TBCE: variants seen among roughly 807,000 people sequenced by gnomAD.
TBCE encodes the protein tubulin-specific chaperone E.
TBCE carries 53 observed loss-of-function variants against 77.0 expected under a neutral mutation model. The observed-to-expected ratio is 0.69, with a 90% CI of 0.55 to 0.87. The LOEUF is 0.87. TBCE is among the 40% of genes least tolerant of loss of function. The pLI, the probability that TBCE is intolerant of heterozygous loss-of-function variation, is 0.00. For synonymous variants in TBCE, 235 were observed against 241.3 expected (o/e 0.97, Z 0.24); for missense variants, 624 against 622.4 (o/e 1.00, Z -0.03).
chr1:235,430,736 G>C lies in TBCE; in HGVS notation c.592G>C (p.Val198Leu). 1 of 1,613,620 alleles carries C rather than the reference G, an allele frequency of 6.2e-7. No homozygotes were observed. Among genetic ancestry groups the C allele is most frequent in the Non-Finnish European group, 8.5e-7 (1 of 1,179,790 alleles). Reference sequence around the variant, plus strand: ...TAAACTAAAATTTCCCTCCGGTTCAGTATTAACTGGAACGCTTTCTGTACT... The same window carrying C: ...TAAACTAAAATTTCCCTCCGGTTCACTATTAACTGGAACGCTTTCTGTACT... The part of the protein sequence containing the change: ...ENKLKFPSGS[V>L]LTGTLSVLKV... Residue 198 changes from valine to leucine, a missense_variant, in exon 7 of 17, where the codon GTA becomes CTA. Transcript: ENST00000642610.
chr1:235,388,933 G>C (rs1678200467), intron 2 of TBCE, among the ~76,000 whole-genome samples: 1 of 152,146 alleles, frequency 6.6e-6, no homozygotes, highest in African/African-American at 2.4e-5. Flanking sequence ...TGGAGATGAG[G>C]GGCTGGGTCA....
At chr1:235,431,650 C>T (rs149449050) in intron 7 of TBCE, among the ~76,000 whole-genome samples, 3,427 of 151,822 alleles carry the variant, frequency 0.023, 135 homozygotes, top group African/African-American at 0.078. Flanking sequence ...TGTAAGCCAC[C>T]GTGCCCAGCC....
rs57793553 is a variant in TBCE, at chr1:235,399,629, C to T, written c.101-1874C>T. ...TCCACAGCCCTTCCCCTGTACCTCG[C>T]CTTAGCACACCTCTTCATCTAGATT... On this transcript the variant is annotated intron_variant, in intron 2 of 16. Coordinates refer to ENST00000642610, the MANE Select transcript of TBCE (RefSeq NM_003193.5). Among the ~76,000 whole-genome samples, 264 of 152,326 alleles carry T rather than the reference C, an allele frequency of 1.7e-3. 1 individual carries two copies. Among genetic ancestry groups the T allele is most frequent in the African/African-American group, 6.0e-3 (251 of 41,572 alleles).
chr1:235,387,751 C>T (rs1678116969), intron 2 of TBCE, among the ~76,000 whole-genome samples: 1 of 152,144 alleles, frequency 6.6e-6, no homozygotes, highest in African/African-American at 2.4e-5. Flanking sequence ...CTTGCGCTTC[C>T]CAAATGAGGG....
intron 2 of TBCE, among the ~76,000 whole-genome samples, chr1:235,386,603 C>A (rs1678022087): frequency 6.6e-6 from 1 of 152,200 alleles, no homozygotes; most frequent in African/African-American, 2.4e-5. Flanking sequence ...GCTCCTGAGG[C>A]TTCTGCATTC....
chr1:235,420,860 A>G (rs1017277976), intron 5 of TBCE, among the ~76,000 whole-genome samples: 10 of 152,278 alleles, frequency 6.6e-5, no homozygotes, highest in Admixed American at 1.3e-4. Context: ...TCCTGACCTC[A>G]GGTGATTCCC....
chr1:235,409,223 T>A (rs1679635643), intron 3 of TBCE, among the ~76,000 whole-genome samples: 1 of 152,112 alleles, frequency 6.6e-6, no homozygotes, highest in Non-Finnish European at 1.5e-5. Flanking sequence ...GATGATGATT[T>A]TACCAGCAGC....
chr1:235,445,133 A>G (rs764420701), intron 15 of TBCE, among the ~76,000 whole-genome samples: 1 of 152,242 alleles, frequency 6.6e-6, no homozygotes, highest in Non-Finnish European at 1.5e-5. Flanking sequence ...ACTTTAAACT[A>G]TTCAGAATCT....
intron 13 of TBCE, 174 bp downstream of exon 13, chr1:235,439,096 C>A: frequency 1.3e-6 from 1 of 771,300 alleles, no homozygotes; most frequent in Non-Finnish European, 2.2e-6. Context: ...GGCGGCAGGG[C>A]AAGAGCAGTA....
Position 235,427,128 on chromosome 1 carries a change from A to T in TBCE, c.461-12A>T. 6.4e-7 allele frequency: 1 copy of T among 1,562,242 alleles called. No individual in the cohort carries two copies. The highest frequency in any genetic ancestry group is 2.2e-5 in the East Asian group (1 of 44,612). The stretch of plus-strand genomic sequence containing the variant: ...TCTTTTGAAATTACTGTTTCTTAAC[A>T]TGTGCTTTTAGATATCAGAAAGGTA... On this transcript the variant is annotated splice_polypyrimidine_tract_variant and intron_variant, in intron 5 of 16. Transcript: ENST00000642610.
chr1:235,446,127 C>T (rs1682255234), intron 15 of TBCE, among the ~76,000 whole-genome samples: 1 of 152,182 alleles, frequency 6.6e-6, no homozygotes, highest in African/African-American at 2.4e-5. Context: ...GCTATACCAT[C>T]ATGTCATAAA....
At chr1:235,381,621 GT>G (rs1677647071) in intron 2 of TBCE, among the ~76,000 whole-genome samples, 1 of 145,662 alleles carries the variant, frequency 6.9e-6, no homozygotes, top group Non-Finnish European at 1.5e-5. Context: ...GGAGGTGGAG[GT>G]TGCAGTGAGC....
chr1:235,437,289 G>T, intron 11 of TBCE, 33 bp from the exon 12 acceptor site: 1 of 1,613,722 alleles, frequency 6.2e-7, no homozygotes, highest in Non-Finnish European at 8.5e-7. Context: ...TGAACGTACC[G>T]CTTTTCATTT....
At chr1:235,414,006 C>A in intron 3 of TBCE, 1 of 249,092 alleles carries the variant, frequency 4.0e-6, no homozygotes, top group Non-Finnish European at 7.9e-6. Flanking sequence ...AGGTGTGCAC[C>A]ACCACGCTGG....
At chr1:235,399,846 G>A (rs1012555775) in intron 2 of TBCE, among the ~76,000 whole-genome samples, 8 of 152,120 alleles carry the variant, frequency 5.3e-5, no homozygotes, top group Admixed American at 6.6e-5. Context: ...CAGTCAGATA[G>A]TGTCAGAATT....
At chr1:235,442,295 C>T (rs571251830) in intron 14 of TBCE, among the ~76,000 whole-genome samples, 2 of 152,238 alleles carry the variant, frequency 1.3e-5, no homozygotes, top group Admixed American at 6.5e-5. Flanking sequence ...CTTAGCCTCC[C>T]GAGTAGCTGG....
At chr1:235,380,682 AGTTT>A (rs1677582740) in intron 2 of TBCE, among the ~76,000 whole-genome samples, 1 of 151,964 alleles carries the variant, frequency 6.6e-6, no homozygotes, top group Non-Finnish European at 1.5e-5. Flanking sequence ...TATAATATAT[AGTTT>A]GTTTAATTGT....
chr1:235,441,906 T>C (rs975889446), intron 14 of TBCE, 24 bp downstream of exon 14: 8 of 1,603,016 alleles, frequency 5.0e-6, no homozygotes, highest in East Asian at 2.2e-5. Flanking sequence ...ATTCAAATAG[T>C]TTATTTGTAT....
chr1:235,377,684 C>T (rs1179635304), intron 1 of TBCE, among the ~76,000 whole-genome samples: 1 of 147,666 alleles, frequency 6.8e-6, no homozygotes, highest in Non-Finnish European at 1.5e-5. Context: ...TGGGGTCTTG[C>T]TCTGTCACCC....
Sources: gnomAD v4.1 joint callset for allele counts (sites outside exome capture counted in the v4.1 genomes callset) on GRCh38, gnomAD v4.1.1 for gene constraint, MANE v1.5 for transcripts, NCBI Gene and HGNC (gene_info 2026-07-23, HGNC 2026-07-21) for gene names.